Variants in SLU7 observed in about 807,000 individuals in gnomAD.
SLU7 encodes the protein pre-mRNA-splicing factor SLU7.
SLU7 carries 60 observed loss-of-function variants against 87.0 expected under a neutral mutation model. The observed-to-expected ratio is 0.69, with a 90% confidence interval of 0.56 to 0.86. The LOEUF (loss-of-function observed/expected upper bound fraction) is 0.86, where lower values mean the gene tolerates loss of function less well. Ranked by LOEUF, SLU7 falls within the 40% of genes least tolerant of loss-of-function variation. SLU7 has a pLI of 0.00. For missense variants in SLU7, 507 were observed against 686.6 expected (o/e 0.74, Z 2.92); for synonymous variants, 197 against 222.0 (o/e 0.89, Z 1.00).
intron 8 of SLU7, 101 bp from the exon 9 acceptor site, chr5:160,408,169 T>C (rs1301943640): frequency 4.5e-6 from 5 of 1,105,528 alleles, no homozygotes; most frequent in Middle Eastern, 2.9e-4. Context: ...AATAAATGTG[T>C]GTATACATTT....
chr5:160,404,749 C>T, intron 14 of SLU7, 60 bp downstream of exon 14: 1 of 1,174,820 alleles, frequency 8.5e-7, no homozygotes, highest in Non-Finnish European at 1.2e-6. Context: ...AACTCAGGTG[C>T]AGGTTTTAAA....
At chr5:160,413,057 T>G (rs1179582431) in intron 5 of SLU7, among the ~76,000 whole-genome samples, 1 of 152,102 alleles carries the variant, frequency 6.6e-6, no homozygotes, top group Non-Finnish European at 1.5e-5. Context: ...TGAAACAAAT[T>G]ATCCATTCCC....
At chr5:160,414,839 A>G (rs1208396738) in intron 2 of SLU7, among the ~76,000 whole-genome samples, 1 of 152,128 alleles carries the variant, frequency 6.6e-6, no homozygotes, top group Non-Finnish European at 1.5e-5. Context: ...TTATCTAGAG[A>G]TGTGACGGTA....
rs367804207 is a variant in SLU7 at position 160,407,735 on chromosome 5, G to A, written c.985+11C>T. On this transcript the variant is annotated intron_variant, in intron 10 of 15. Transcript: ENST00000297151. This position sits in a 1 kb window ranked among gnomAD's most constrained non-coding sequence, Gnocchi z 4.2. ...TGATATAAAATGGCTTGACATAGAG[G>A]AAACACTTACACTGTGTCTGAGCCA... 25 of 1,610,370 alleles carry A rather than the reference G, an allele frequency of 1.6e-5. No individual in the cohort carries two copies. In the African/African-American group the frequency reaches 2.9e-4, roughly 19 times the overall value.
In SLU7 at chr5:160,408,336, A is replaced by G. The variant is rs767858282; in HGVS notation, c.812T>C (p.Ile271Thr). 28 of 1,605,766 alleles carry G rather than the reference A, an allele frequency of 1.7e-5. No individual in the cohort carries two copies. The highest frequency in any genetic ancestry group is 2.7e-5 in the African/African-American group (2 of 74,522). Residue 271 changes from isoleucine (I) to threonine (T), a missense_variant, in exon 8 of 16, where the codon ATT becomes ACT. Physicochemically the swap from Ile to Thr is moderately conservative, Grantham distance 89 (BLOSUM62 -1). This residue lies in a region of SLU7 where 49 missense variants were observed against 144.1 expected (regional missense o/e 0.34). Transcript: ENST00000297151. ...TAAGCTGACAAGACTTACTTTTGCAATATCTTCTCGAATCCTGAGATTCCG... is the reference window on the plus strand; with the variant it reads ...TAAGCTGACAAGACTTACTTTTGCAGTATCTTCTCGAATCCTGAGATTCCG... ...TVRNLRIRED[I>T]AKYLRNLDPN...
Position 160,406,632 on chromosome 5 carries a change from A to G in SLU7, c.1126-3T>C. ...TCCAAATGTTCTTGGCCACCATACT[A>G]AAAGGACATTGGACATTATTCAATA... On this transcript the variant is annotated splice_region_variant and splice_polypyrimidine_tract_variant and intron_variant, in intron 11 of 15. Transcript: ENST00000297151. The G allele has an allele frequency of 6.3e-7, 1 of 1,599,294 alleles. No individual in the cohort carries two copies. Among genetic ancestry groups the G allele is most frequent in the South Asian group, 1.1e-5 (1 of 89,064 alleles).
intron 12 of SLU7, among the ~76,000 whole-genome samples, chr5:160,405,739 T>A (rs1208694554): frequency 6.6e-6 from 1 of 152,224 alleles, no homozygotes; most frequent in Non-Finnish European, 1.5e-5. Context: ...TTCCTATTTA[T>A]AAAACATACA....
Position 160,415,320 on chromosome 5 carries a change from G to A in SLU7, c.-16-10C>T. The A allele has an allele frequency of 6.6e-7, 1 of 1,525,944 alleles. No individual in the cohort carries two copies. The allele number at this position is 1,525,944 out of a possible 1,614,324, so 94.5% of individuals were successfully genotyped here. A position where few individuals can be genotyped will look rare whatever the true frequency, so the allele number is the denominator to read the frequency against. On this transcript the variant is annotated splice_polypyrimidine_tract_variant and intron_variant, in intron 1 of 15. Transcript: ENST00000297151. ...GGTTATCTGGCCTCCTCTAGGAAAAGAAGTGAAACTTACAGTAAAAAGTAG... is the reference window on the plus strand; with the variant it reads ...GGTTATCTGGCCTCCTCTAGGAAAAAAAGTGAAACTTACAGTAAAAAGTAG...
chr5:160,416,296 C>G (rs1765454097), intron 1 of SLU7, among the ~76,000 whole-genome samples: 1 of 152,162 alleles, frequency 6.6e-6, no homozygotes, highest in Non-Finnish European at 1.5e-5. Context: ...ACTCTAAACT[C>G]CCACTAATGG....
At chr5:160,408,754 C>A in intron 6 of SLU7, 57 bp from the exon 7 acceptor site, 1 of 662,946 alleles carries the variant, frequency 1.5e-6, no homozygotes, top group Non-Finnish European at 2.4e-6. Context: ...ATCCAATTAA[C>A]TTTATTATTA....
chr5:160,408,175 C>T, intron 8 of SLU7, 107 bp from the exon 9 acceptor site: 1 of 1,131,068 alleles, frequency 8.8e-7, no homozygotes, highest in Non-Finnish European at 1.3e-6. Flanking sequence ...TGTGTGTATA[C>T]ATTTCTGGGG....
At chr5:160,405,665 A>AT (rs1764978453) in intron 12 of SLU7, among the ~76,000 whole-genome samples, 1 of 152,252 alleles carries the variant, frequency 6.6e-6, no homozygotes, top group African/African-American at 2.4e-5. Flanking sequence ...AATATACTAC[A>AT]TTACTTATTA....
At position 160,409,922 on chromosome 5, in the gene SLU7, T is replaced by G. The variant is rs977312552; in HGVS notation, c.640-1225A>C. Among the ~76,000 whole-genome samples the G allele has an allele frequency of 9.9e-5, 15 of 152,088 alleles. 1 individual carries two copies. The highest frequency in any genetic ancestry group is 3.4e-4 in the African/African-American group (14 of 41,392). ...AGTTGGGGCGAGGGGAAGTTTAGTGTTAGGGTGGATAGAAACAGGGGTGGA... is the reference window on the plus strand; with the variant it reads ...AGTTGGGGCGAGGGGAAGTTTAGTGGTAGGGTGGATAGAAACAGGGGTGGA... On this transcript the variant is annotated intron_variant, in intron 6 of 15. Transcript: ENST00000297151.
chr5:160,405,716 C>T (rs535130613), intron 12 of SLU7, among the ~76,000 whole-genome samples: 41 of 152,244 alleles, frequency 2.7e-4, no homozygotes, highest in African/African-American at 8.2e-4. Context: ...CCAATCAAGC[C>T]GTTAGACCTA....
intron 4 of SLU7, 103 bp downstream of exon 4, chr5:160,413,796 T>C (rs984870303): frequency 3.1e-6 from 3 of 970,046 alleles, no homozygotes; most frequent in African/African-American, 1.7e-5. Flanking sequence ...ATTTAACTTG[T>C]ACCTAAATAT....
chr5:160,414,027 T>G, intron 3 of SLU7, 48 bp from the exon 4 acceptor site: 1 of 1,174,576 alleles, frequency 8.5e-7, no homozygotes, highest in African/African-American at 1.6e-5. Flanking sequence ...CCACGTAAGT[T>G]AGAAATAACT....
At chr5:160,410,457 T>C (rs1276595532) in intron 6 of SLU7, among the ~76,000 whole-genome samples, 2 of 152,040 alleles carry the variant, frequency 1.3e-5, no homozygotes, top group East Asian at 1.9e-4. Context: ...TTAGGAGATA[T>C]ACCTAATGCT....
chr5:160,412,431 TG>T lies in SLU7; in HGVS notation c.639+19del. 2 of 1,371,496 alleles carry T rather than the reference TG, an allele frequency of 1.5e-6. No individual in the cohort carries two copies. Among genetic ancestry groups the T allele is most frequent in the Non-Finnish European group, 1.0e-6 (1 of 974,006 alleles). The allele number at this position is 1,371,496 out of a possible 1,614,324, so 85.0% of individuals were successfully genotyped here. On this transcript the variant is annotated intron_variant, in intron 6 of 15. Coordinates refer to ENST00000297151, the MANE Select transcript of SLU7 (RefSeq NM_006425.5). ...TTTAAAAGAAATAAAACCTTTTTAT[TG>T]ATCATTTTCATTACTTACAGCCTGT...
Position 160,408,324 on chromosome 5 carries a change from C to T in SLU7, c.819+5G>A, listed in dbSNP as rs774542303. ...AAATATGTATGTTAAGCTGACAAGACTTACTTTTGCAATATCTTCTCGAAT... is the reference window on the plus strand; with the variant it reads ...AAATATGTATGTTAAGCTGACAAGATTTACTTTTGCAATATCTTCTCGAAT... On this transcript the variant is annotated splice_donor_5th_base_variant and intron_variant, in intron 8 of 15. Transcript: ENST00000297151. The T allele has an allele frequency of 5.0e-6, 8 of 1,602,466 alleles. No homozygotes were observed. In the East Asian group the frequency reaches 6.7e-5, roughly 13 times the overall value.
Sources: gnomAD v4.1 joint callset for allele counts (sites outside exome capture counted in the v4.1 genomes callset) on GRCh38, gnomAD v4.1.1 for gene constraint, gnomAD v4.1.1 regional missense constraint, Gnocchi (gnomAD v3.1) non-coding constraint, MANE v1.5 for transcripts, NCBI Gene and HGNC (gene_info 2026-07-23, HGNC 2026-07-21) for gene names.